RNF150: variants seen among roughly 807,000 people sequenced by gnomAD.
The protein encoded by RNF150 is ring finger protein 150.
Under a neutral mutation model 39.3 loss-of-function variants are expected in RNF150, and 24 were observed. That is an observed-to-expected ratio of 0.61 (90% CI 0.44 to 0.86). The LOEUF (loss-of-function observed/expected upper bound fraction) is 0.86, where lower values mean the gene tolerates loss of function less well. Among genes scored for constraint, RNF150 ranks in the 40% least tolerant of loss-of-function variants. The pLI is 0.00. For synonymous variants in RNF150, 255 were observed against 227.3 expected (o/e 1.12, Z -1.10); for missense variants, 502 against 587.8 (o/e 0.85, Z 1.51).
chr4:141,176,202 G>T (rs1183540357), intron 1 of RNF150, among the ~76,000 whole-genome samples: 1 of 151,930 alleles, frequency 6.6e-6, no homozygotes, highest in Admixed American at 6.6e-5. Context: ...CCAGGCTCTT[G>T]TGATTCTTAA....
chr4:141,049,782 A>G (rs916263179), intron 1 of RNF150, among the ~76,000 whole-genome samples: 2 of 152,158 alleles, frequency 1.3e-5, no homozygotes, highest in Non-Finnish European at 2.9e-5. Flanking sequence ...TGATGCTTAA[A>G]TAAAAACTAA....
intron 1 of RNF150, among the ~76,000 whole-genome samples, chr4:141,163,373 C>T (rs1395528047): frequency 1.3e-5 from 2 of 152,222 alleles, no homozygotes; most frequent in African/African-American, 4.8e-5. Flanking sequence ...GCTGTGGGCA[C>T]AGCTTCAGCA....
chr4:141,067,083 C>T (rs1254452859), intron 1 of RNF150, among the ~76,000 whole-genome samples: 1 of 152,096 alleles, frequency 6.6e-6, no homozygotes, highest in Non-Finnish European at 1.5e-5. Flanking sequence ...GTATTATAAT[C>T]TTATGGGACC....
chr4:140,932,706 A>G (rs1731698639), intron 4 of RNF150, among the ~76,000 whole-genome samples: 1 of 152,346 alleles, frequency 6.6e-6, no homozygotes, highest in South Asian at 2.1e-4. Context: ...ACTGTCACCC[A>G]GTATGTCAGC....
intron 1 of RNF150, among the ~76,000 whole-genome samples, chr4:141,125,937 C>T (rs1389372749): frequency 6.6e-6 from 1 of 152,136 alleles, no homozygotes; most frequent in African/African-American, 2.4e-5. Context: ...ACAAGTCATA[C>T]AGTTTCTTGC....
intron 1 of RNF150, among the ~76,000 whole-genome samples, chr4:141,157,948 C>T (rs1727440654): frequency 6.6e-6 from 1 of 152,196 alleles, no homozygotes; most frequent in Non-Finnish European, 1.5e-5. Flanking sequence ...TTATCCCCTC[C>T]TAGTGCTCAG....
At chr4:141,071,291 G>A (rs1435375712) in intron 1 of RNF150, among the ~76,000 whole-genome samples, 2 of 149,654 alleles carry the variant, frequency 1.3e-5, no homozygotes, top group East Asian at 4.0e-4. Context: ...TAGATGACGA[G>A]TTGGTGGGTG....
chr4:141,075,855 C>G (rs1737877464), intron 1 of RNF150, among the ~76,000 whole-genome samples: 1 of 152,100 alleles, frequency 6.6e-6, no homozygotes, highest in African/African-American at 2.4e-5. Context: ...ACAGTGTACA[C>G]TGCTCAGGTG....
chr4:140,949,166 T>A (rs1732443628), intron 3 of RNF150, 135 bp downstream of exon 3: 1 of 577,548 alleles, frequency 1.7e-6, no homozygotes, highest in Non-Finnish European at 3.1e-6. Context: ...AAGAGTATAA[T>A]AACAGATACT....
intron 5 of RNF150, among the ~76,000 whole-genome samples, chr4:140,913,098 C>A (rs562875703): frequency 1.8e-4 from 27 of 152,096 alleles, no homozygotes; most frequent in Admixed American, 7.9e-4. Flanking sequence ...CCTGTCTCAG[C>A]TAAAATATAA....
At chr4:141,037,303 C>A (rs1050022535) in intron 1 of RNF150, among the ~76,000 whole-genome samples, 1 of 152,032 alleles carries the variant, frequency 6.6e-6, no homozygotes, top group African/African-American at 2.4e-5. Context: ...ATTAAACTAC[C>A]CTTCCTTAAG....
chr4:141,114,201 A>C (rs1298103867), intron 1 of RNF150, among the ~76,000 whole-genome samples: 1 of 152,202 alleles, frequency 6.6e-6, no homozygotes, highest in Non-Finnish European at 1.5e-5. Context: ...ACCCTTCAAA[A>C]AAAATTGATG....
intron 1 of RNF150, among the ~76,000 whole-genome samples, chr4:141,002,265 A>G (rs372787468): frequency 3.3e-5 from 5 of 152,018 alleles, no homozygotes; most frequent in African/African-American, 1.2e-4. Flanking sequence ...TTTTACTTGC[A>G]AAGTAGTATG....
chr4:141,120,554 G>T (rs1726573423), intron 1 of RNF150, among the ~76,000 whole-genome samples: 1 of 152,078 alleles, frequency 6.6e-6, no homozygotes, highest in Non-Finnish European at 1.5e-5. Flanking sequence ...AGAAATAGAT[G>T]AATGGCTACT....
At position 141,127,807 on chromosome 4, in the gene RNF150, T is replaced by C. The variant is rs201946676; in HGVS notation, c.484+4518A>G. 1.4e-4 allele frequency among the ~76,000 whole-genome samples: 21 copies of C among 152,046 alleles called. No individual in the cohort carries two copies. In the East Asian group the frequency reaches 3.9e-3, roughly 28 times the overall value. On this transcript the variant is annotated intron_variant, in intron 1 of 6. Coordinates refer to ENST00000515673, the MANE Select transcript of RNF150 (RefSeq NM_020724.2). Reference sequence around the variant, plus strand: ...TTTCCTGTTGATTATGTACTAGCAATAGACAAACAGAAAGATATCAAACAC... The same window carrying C: ...TTTCCTGTTGATTATGTACTAGCAACAGACAAACAGAAAGATATCAAACAC...
intron 1 of RNF150, among the ~76,000 whole-genome samples, chr4:141,013,608 G>A (rs552764379): frequency 6.6e-6 from 1 of 152,112 alleles, no homozygotes; most frequent in African/African-American, 2.4e-5. Flanking sequence ...TCCAGTCTCT[G>A]AGGAAGTTTT....
chr4:141,031,069 T>C (rs1177705537), intron 1 of RNF150, among the ~76,000 whole-genome samples: 1 of 151,964 alleles, frequency 6.6e-6, no homozygotes, highest in Non-Finnish European at 1.5e-5. Flanking sequence ...GAAAACTCCA[T>C]TAGAACCCTG....
At chr4:141,178,200 T>C (rs1727847979) in intron 1 of RNF150, among the ~76,000 whole-genome samples, 1 of 152,122 alleles carries the variant, frequency 6.6e-6, no homozygotes, top group Admixed American at 6.6e-5. Flanking sequence ...TTAGACAGAA[T>C]GTTTTCTCAA....
chr4:141,065,099 AG>A (rs1457852854), intron 1 of RNF150, among the ~76,000 whole-genome samples: 5 of 152,164 alleles, frequency 3.3e-5, no homozygotes, highest in Admixed American at 2.0e-4. Flanking sequence ...TCCTGACCTC[AG>A]GTGATCTGCC....
Sources: gnomAD v4.1 joint callset for allele counts (sites outside exome capture counted in the v4.1 genomes callset) on GRCh38, gnomAD v4.1.1 for gene constraint, MANE v1.5 for transcripts, NCBI Gene and HGNC (gene_info 2026-07-23, HGNC 2026-07-21) for gene names.